Variants in SLC24A3 observed in about 807,000 individuals in gnomAD.
SLC24A3 encodes the protein solute carrier family 24 member 3.
SLC24A3 carries 28 observed loss-of-function variants against 75.8 expected under a neutral mutation model. That is an observed-to-expected ratio of 0.37 (90% CI 0.27 to 0.51). The LOEUF is 0.51. Ranked by LOEUF, SLC24A3 falls within the 20% of genes least tolerant of loss-of-function variation. The probability of loss-of-function intolerance (pLI) is 0.94; values close to 1 mark genes in which losing one functional copy is unlikely to be tolerated. For missense variants in SLC24A3, 663 were observed against 847.8 expected, an observed-to-expected ratio of 0.78 and a Z score of 2.71; for synonymous variants, 372 against 334.1, an observed-to-expected ratio of 1.11 and a Z score of -1.24.
intron 2 of SLC24A3, among the ~76,000 whole-genome samples, chr20:19,443,401 A>G (rs1480231072): frequency 6.6e-6 from 1 of 152,066 alleles, no homozygotes. Flanking sequence ...ATAGTTTATT[A>G]GATTTATACT....
At chr20:19,696,219 A>ATGGC (rs1259122621) in intron 13 of SLC24A3, 2 of 152,092 alleles carry the variant, frequency 1.3e-5, no homozygotes, top group African/African-American at 4.8e-5. Context: ...AGGTCTCACT[A>ATGGC]TGTTGCTCAC....
intron 6 of SLC24A3, among the ~76,000 whole-genome samples, chr20:19,642,668 A>T (rs1193252793): frequency 6.6e-6 from 1 of 152,218 alleles, no homozygotes; most frequent in Non-Finnish European, 1.5e-5. Flanking sequence ...TAAGGTGCTA[A>T]CTACACTCTG....
At chr20:19,366,135 T>A (rs1205946580) in intron 2 of SLC24A3, among the ~76,000 whole-genome samples, 1 of 152,052 alleles carries the variant, frequency 6.6e-6, no homozygotes, top group East Asian at 1.9e-4. Flanking sequence ...TTTGACAAGG[T>A]TTTTGGTGGT....
intron 1 of SLC24A3, among the ~76,000 whole-genome samples, chr20:19,217,444 C>T (rs1249584301): frequency 6.6e-6 from 1 of 152,166 alleles, no homozygotes; most frequent in Non-Finnish European, 1.5e-5. Flanking sequence ...GACAAACATA[C>T]ACACAGACGT....
At chr20:19,678,915 G>A (rs1479603934) in intron 9 of SLC24A3, among the ~76,000 whole-genome samples, 1 of 150,568 alleles carries the variant, frequency 6.6e-6, no homozygotes, top group East Asian at 2.0e-4. Context: ...GAGCGGCGGG[G>A]CAAAGGCGCT....
intron 7 of SLC24A3, among the ~76,000 whole-genome samples, chr20:19,662,454 GC>G (rs2032337961): frequency 6.6e-6 from 1 of 152,252 alleles, no homozygotes; most frequent in African/African-American, 2.4e-5. Flanking sequence ...TAGGCTGCCT[GC>G]CTTGAGGTGA....
At chr20:19,664,922 A>G (rs904996071) in intron 7 of SLC24A3, among the ~76,000 whole-genome samples, 1 of 152,184 alleles carries the variant, frequency 6.6e-6, no homozygotes, top group Non-Finnish European at 1.5e-5. Flanking sequence ...TGAGTTCTCG[A>G]GCCAATTCTG....
At chr20:19,587,868 CAGTT>C (rs2031320873) in intron 6 of SLC24A3, among the ~76,000 whole-genome samples, 1 of 152,182 alleles carries the variant, frequency 6.6e-6, no homozygotes, top group Non-Finnish European at 1.5e-5. Flanking sequence ...AAGTCAGTCT[CAGTT>C]AGACACCATT....
At chr20:19,407,470 A>G (rs1986668974) in intron 2 of SLC24A3, among the ~76,000 whole-genome samples, 1 of 152,218 alleles carries the variant, frequency 6.6e-6, no homozygotes, top group South Asian at 2.1e-4. Context: ...GCTGCCTTTC[A>G]TGTCGGACAC....
Position 19,721,104 on chromosome 20 carries a change from CACCTTTGTGA to C in SLC24A3, c.1904_1913del (p.Phe635CysfsTer100). On this transcript the variant is annotated frameshift_variant, in exon 17 of 17. Coordinates refer to ENST00000328041, the MANE Select transcript of SLC24A3 (RefSeq NM_020689.4). LOFTEE classifies it high-confidence loss of function. The stretch of plus-strand genomic sequence containing the variant: ...CCATCATGACTGAGTTCAACGTGTT[CACCTTTGTGA>C]ACCTGCCCATGTGCGGGGACCACTG... 1 of 1,614,172 alleles carries C rather than the reference CACCTTTGTGA, an allele frequency of 6.2e-7. No homozygotes were observed. Among genetic ancestry groups the C allele is most frequent in the South Asian group, 1.1e-5 (1 of 91,082 alleles).
chr20:19,622,276 T>C (rs2031814258), intron 6 of SLC24A3, among the ~76,000 whole-genome samples: 1 of 152,138 alleles, frequency 6.6e-6, no homozygotes, highest in Non-Finnish European at 1.5e-5. Context: ...GAACTCAGGC[T>C]CACTGGAGGA....
intron 3 of SLC24A3, among the ~76,000 whole-genome samples, chr20:19,538,639 A>G (rs2030443234): frequency 6.6e-6 from 1 of 152,220 alleles, no homozygotes; most frequent in East Asian, 1.9e-4. Context: ...AAGTATCTAA[A>G]TAAAGCAACT....
chr20:19,688,650 A>C (rs1487031636), intron 12 of SLC24A3, among the ~76,000 whole-genome samples: 1 of 152,162 alleles, frequency 6.6e-6, no homozygotes, highest in Non-Finnish European at 1.5e-5. Context: ...TGATGAGGAC[A>C]TTTTTCTCTC....
intron 7 of SLC24A3, among the ~76,000 whole-genome samples, chr20:19,655,147 G>A (rs1442396641): frequency 1.3e-5 from 2 of 152,194 alleles, no homozygotes; most frequent in Non-Finnish European, 2.9e-5. Flanking sequence ...CACTTCAGCT[G>A]AGGCTCTCTG....
chr20:19,376,036 T>C (rs563136696), intron 2 of SLC24A3, among the ~76,000 whole-genome samples: 1 of 152,210 alleles, frequency 6.6e-6, no homozygotes, highest in Non-Finnish European at 1.5e-5. Context: ...TCTTTGAAAC[T>C]ACTTATCAAA....
At chr20:19,461,498 C>T (rs1219164913) in intron 2 of SLC24A3, among the ~76,000 whole-genome samples, 1 of 149,226 alleles carries the variant, frequency 6.7e-6, no homozygotes, top group Non-Finnish European at 1.5e-5. Context: ...TCGCCAGATA[C>T]TTGTCTACGT....
At chr20:19,256,722 T>A (rs984382567) in intron 1 of SLC24A3, among the ~76,000 whole-genome samples, 2 of 140,192 alleles carry the variant, frequency 1.4e-5, no homozygotes, top group Admixed American at 1.5e-4. Flanking sequence ...TGAGCTGAGA[T>A]CATGCCACTG....
In SLC24A3 at chr20:19,545,627, ATCTTCTGG is replaced by A. The variant is rs1490407666; in HGVS notation, c.348+30067_348+30074del. 5.3e-5 allele frequency among the ~76,000 whole-genome samples: 8 copies of A among 152,176 alleles called. No homozygotes were observed. The East Asian group carries it at 1.4e-3, about 26-fold the overall frequency. ...TGCTGCGTTGCCACCCCTCATCCCCATCTTCTGGTCTAATCACAAGACCACCTGCCCCC... is the reference window on the plus strand; with the variant it reads ...TGCTGCGTTGCCACCCCTCATCCCCATCTAATCACAAGACCACCTGCCCCC... On this transcript the variant is annotated intron_variant, in intron 3 of 16. Transcript: ENST00000328041.
At chr20:19,346,063 CTATATATATA>C (rs763603062) in intron 2 of SLC24A3, among the ~76,000 whole-genome samples, 354 of 21,240 alleles carry the variant, frequency 0.017, 10 homozygotes, top group Middle Eastern at 0.12. Context: ...ATAAAGAAAA[CTATATATATA>C]TATATATATA....
Sources: allele counts gnomAD v4.1 joint callset (sites outside exome capture counted in the v4.1 genomes callset), GRCh38; gene constraint gnomAD v4.1.1; transcripts MANE v1.5; gene names NCBI Gene and HGNC (gene_info 2026-07-23, HGNC 2026-07-21).